The following MED22 variants were observed in gnomAD, a reference collection of about 807,000 sequenced individuals.
MED22 encodes the protein mediator of RNA polymerase II transcription subunit 22.
MED22 carries 22 observed loss-of-function variants against 22.7 expected under a neutral mutation model. The observed-to-expected ratio is 0.97, with a 90% CI of 0.69 to 1.38. The LOEUF (loss-of-function observed/expected upper bound fraction) is 1.38. Ranked by LOEUF, MED22 falls within the 40% of genes most tolerant of loss-of-function variation. The pLI, the probability that MED22 is intolerant of heterozygous loss-of-function variation, is 0.00. For missense variants in MED22, 247 were observed against 263.0 expected (o/e 0.94, Z 0.42); for synonymous variants, 134 against 119.4 (o/e 1.12, Z -0.80).
chr9:133,346,745 A>C (rs2129969989), intron 1 of MED22, 45 bp from the exon 2 acceptor site: 82 of 1,531,882 alleles, frequency 5.4e-5, no homozygotes, highest in Non-Finnish European at 7.0e-5. Context: ...AGTCTACCCC[A>C]GCCACCCTCT....
Position 133,345,207 on chromosome 9 carries a change from C to G in MED22, c.169G>C (p.Asp57His). The G allele has an allele frequency of 6.2e-7, 1 of 1,614,020 alleles. No individual in the cohort carries two copies. The highest frequency in any genetic ancestry group is 8.5e-7 in the Non-Finnish European group (1 of 1,180,018). The change falls in exon 3 of 5, where the codon GAC becomes CAC. Residue 57 changes from aspartate (D) to histidine (H), a missense_variant. Coordinates refer to ENST00000343730, the MANE Select transcript of MED22 (RefSeq NM_133640.5). ...QVSRATQGEQ[D>H]NYEMHVRAAN... is the part of the protein sequence containing the mutation. ...GCTCGCACATGCATCTCGTAATTGT[C>G]CTGTTCACCCTGAGTGGCCCGTGAC...
At position 133,339,766 on chromosome 9, in the gene MED22, G is replaced by GT. The variant is rs893059234; in HGVS notation, c.*1738dup. Reference sequence around the variant, plus strand: ...GCCACTGGTGACCTTAATAGGTGTAGTTTTGCTAGAGTCATGGAGACAAAA... The same window carrying GT: ...GCCACTGGTGACCTTAATAGGTGTAGTTTTTGCTAGAGTCATGGAGACAAAA... On this transcript the variant is annotated 3_prime_UTR_variant, in exon 5 of 5. Transcript: ENST00000343730. 5.1e-6 allele frequency: 1 copy of GT among 196,976 alleles called. No homozygotes were observed. The highest frequency in any genetic ancestry group is 5.6e-5 in the Admixed American group (1 of 17,858). The allele number at this position is 196,976 out of a possible 1,614,324, so 12.2% of individuals were successfully genotyped here.
At chr9:133,345,132 T>C in intron 3 of MED22, 40 bp downstream of exon 3, 1 of 1,602,186 alleles carries the variant, frequency 6.2e-7, no homozygotes, top group Non-Finnish European at 8.5e-7. Flanking sequence ...GGACTGATGC[T>C]CTTGGAGCCC....
rs2129943539 is a variant in MED22 at position 133,339,772 on chromosome 9, C to T, written c.*1733G>A. ...GGTGACCTTAATAGGTGTAGTTTTG[C>T]TAGAGTCATGGAGACAAAACCTGTC... On this transcript the variant is annotated 3_prime_UTR_variant, in exon 5 of 5. Transcript: ENST00000343730. 1.3e-4 allele frequency: 24 copies of T among 189,862 alleles called. No homozygotes were observed. The South Asian group carries it at 2.1e-3, about 16-fold the overall frequency. 11.8% of individuals were successfully genotyped at this position (189,862 alleles called of 1,614,324 possible).
rs2129960786 is a variant in MED22 at position 133,344,237 on chromosome 9, G to A, written c.301C>T (p.Arg101Cys). ...FPSVNEAIDQ[R>C]NQQLRTLQEE... ...TGCAGTGTGCGCAGCTGCTGGTTGC[G>A]CTGGTCAATGGCCTCGTTCACGGAG... The change falls in exon 4 of 5, where the codon CGC becomes TGC. Residue 101 changes from arginine to cysteine, a missense_variant. Transcript: ENST00000343730. 70 of 1,614,104 alleles carry A rather than the reference G, an allele frequency of 4.3e-5. No homozygotes were observed. Among genetic ancestry groups the A allele is most frequent in the South Asian group, 1.6e-4 (15 of 91,088 alleles).
At chr9:133,343,743 C>G in intron 4 of MED22, 1 of 1,298,988 alleles carries the variant, frequency 7.7e-7, no homozygotes, top group East Asian at 2.7e-5. Flanking sequence ...CCAGCCTTGG[C>G]TGAAATCTCT....
At chr9:133,345,351 A>G (rs918892008) in intron 2 of MED22, 99 bp from the exon 3 acceptor site, 67 of 1,167,974 alleles carry the variant, frequency 5.7e-5, no homozygotes, top group Non-Finnish European at 7.9e-5. Context: ...TCTACCCAGG[A>G]TGTCCACACT....
chr9:133,345,758 G>T (rs1269635504), intron 2 of MED22, among the ~76,000 whole-genome samples: 1 of 152,210 alleles, frequency 6.6e-6, no homozygotes, highest in South Asian at 2.1e-4. Context: ...CTGGTGTATA[G>T]GTGGCCAAGC....
At chr9:133,347,742 C>A (rs1024680426) in intron 1 of MED22, 180 bp downstream of exon 1, 2 of 161,544 alleles carry the variant, frequency 1.2e-5, no homozygotes, top group African/African-American at 4.8e-5. Context: ...GTCTGGCGCA[C>A]GACCGAGCGG....
In MED22 at chr9:133,344,242, T is replaced by C; in HGVS notation, c.296A>G (p.Asp99Gly). ...NDFPSVNEAI[D>G]QRNQQLRTLQ... ...TGTGCGCAGCTGCTGGTTGCGCTGG[T>C]CAATGGCCTCGTTCACGGAGGGGAA... The change falls in exon 4 of 5, where the codon GAC becomes GGC. Residue 99 changes from aspartate (D) to glycine (G), a missense_variant. Transcript: ENST00000343730. 1 of 1,614,162 alleles carries C rather than the reference T, an allele frequency of 6.2e-7. No homozygotes were observed. The highest frequency in any genetic ancestry group is 1.1e-5 in the South Asian group (1 of 91,076).
chr9:133,341,213 A>G lies in MED22; in HGVS notation c.*292T>C, dbSNP rs1289563052. ...TCCTGCCCCACTGCTGAGATCCCCA[A>G]CGGGCCAGACCTAGCTTGGAAACTT... On this transcript the variant is annotated 3_prime_UTR_variant, in exon 5 of 5. Coordinates refer to ENST00000343730, the MANE Select transcript of MED22 (RefSeq NM_133640.5). 1.3e-5 allele frequency: 4 copies of G among 312,794 alleles called. No homozygotes were observed. Among genetic ancestry groups the G allele is most frequent in the African/African-American group, 4.4e-5 (2 of 45,742 alleles). 19.4% of individuals were successfully genotyped at this position (312,794 alleles called of 1,614,324 possible).
Position 133,346,612 on chromosome 9 carries a change from G to T in MED22, c.51C>A (p.Ser17=). The change falls in exon 2 of 5, where the codon TCC becomes TCA. Residue 17 remains serine (S), a synonymous_variant. Coordinates refer to ENST00000343730, the MANE Select transcript of MED22 (RefSeq NM_133640.5). Reference sequence around the variant, plus strand: ...TGTCGTCCTTCAGCCGCTTGTTGTAGGACTGCAGCAGCGTCTCCTTGCTCT... The same window carrying T: ...TGTCGTCCTTCAGCCGCTTGTTGTATGACTGCAGCAGCGTCTCCTTGCTCT... ...LPQSKETLLQ[S]YNKRLKDDIK... The T allele has an allele frequency of 1.2e-6, 2 of 1,612,888 alleles. No homozygotes were observed. The highest frequency in any genetic ancestry group is 1.7e-5 in the Admixed American group (1 of 60,010).
Position 133,341,352 on chromosome 9 carries a change from C to T in MED22, c.*153G>A. 1.3e-6 allele frequency: 1 copy of T among 783,032 alleles called. No individual in the cohort carries two copies. Among genetic ancestry groups the T allele is most frequent in the Non-Finnish European group, 1.9e-6 (1 of 533,524 alleles). 48.5% of individuals were successfully genotyped at this position (783,032 alleles called of 1,614,324 possible). A position where few individuals can be genotyped will look rare whatever the true frequency, so the allele number is the denominator to read the frequency against. ...TTCCCTACTGTCCTGGCGGGACCCA[C>T]CCTGGGCTAACGGGCTTCCCAAGGA... On this transcript the variant is annotated 3_prime_UTR_variant, in exon 5 of 5. Coordinates refer to ENST00000343730, the MANE Select transcript of MED22 (RefSeq NM_133640.5).
chr9:133,341,555 C>T lies in MED22; in HGVS notation c.553G>A (p.Ala185Thr), dbSNP rs145653063. 1.7e-3 allele frequency: 2,611 copies of T among 1,555,466 alleles called. 25 individuals are homozygous for T. In the African/African-American group the frequency reaches 0.026, roughly 16 times the overall value. ...CCACCAGCATGGGAGTGGGCAGGGG[C>T]TGCCACCTGTAGGGGGCCAGCACTG... ...EPSAGPLQVAAPAHSHAGGPG... is the reference protein window; with the variant it reads ...EPSAGPLQVATPAHSHAGGPG... The change falls in exon 5 of 5, where the codon GCC becomes ACC. Residue 185 changes from alanine to threonine, a missense_variant. Ala to Thr is a moderately conservative substitution (Grantham distance 58). Transcript: ENST00000343730.
chr9:133,345,199 G>GT lies in MED22; in HGVS notation c.176dup (p.Tyr59Ter). ...SRATQGEQDN[Y>*]EMHVRAANIV... ...TGTTGGCGGCTCGCACATGCATCTC[G>GT]TAATTGTCCTGTTCACCCTGAGTGG... is the stretch of plus-strand genomic sequence containing the variant. Residue 59 changes from tyrosine to a stop codon, truncating the protein, a stop_gained and frameshift_variant, in exon 3 of 5, where the codon TAC (tyrosine) becomes TAAC (stop). Transcript: ENST00000343730. LOFTEE classifies it high-confidence loss of function. The GT allele has an allele frequency of 6.2e-7, 1 of 1,613,950 alleles. No homozygotes were observed. The highest frequency in any genetic ancestry group is 1.1e-5 in the South Asian group (1 of 91,070).
intron 3 of MED22, among the ~76,000 whole-genome samples, chr9:133,344,797 C>T (rs1836134537): frequency 6.6e-6 from 1 of 152,170 alleles, no homozygotes; most frequent in Admixed American, 6.5e-5. Context: ...CCGAAGGAAT[C>T]CAATGGCGCC....
In MED22 at chr9:133,344,180, G is replaced by C; in HGVS notation, c.358C>G (p.Arg120Gly). The change falls in exon 4 of 5, where the codon CGA becomes GGA. Residue 120 changes from arginine to glycine, a missense_variant. Physicochemically the swap from Arg to Gly is moderately radical, Grantham distance 125 (BLOSUM62 -2). Coordinates refer to ENST00000343730, the MANE Select transcript of MED22 (RefSeq NM_133640.5). ...TAGAGGTCAATGGAGATCTCGTCTC[G>C]CAGCGTGATGAGCTTCCGGTCGCAC... ...EECDRKLITL[R>G]DEISIDLYEL... 6.2e-7 allele frequency: 1 copy of C among 1,614,044 alleles called. No individual in the cohort carries two copies. The highest frequency in any genetic ancestry group is 8.5e-7 in the Non-Finnish European group (1 of 1,180,016).
rs2129948306 is a variant in MED22 at position 133,341,465 on chromosome 9, T to C, written c.*40A>G. The stretch of plus-strand genomic sequence containing the variant: ...CTGTGAGGGCATCCAAAGGGCTGCC[T>C]CAGGTTTTGTTCCTGAGAACGAAGC... On this transcript the variant is annotated 3_prime_UTR_variant, in exon 5 of 5. Coordinates refer to ENST00000343730, the MANE Select transcript of MED22 (RefSeq NM_133640.5). 2 of 1,456,328 alleles carry C rather than the reference T, an allele frequency of 1.4e-6. No individual in the cohort carries two copies. The highest frequency in any genetic ancestry group is 1.8e-6 in the Non-Finnish European group (2 of 1,111,126). 90.2% of individuals were successfully genotyped at this position (1,456,328 alleles called of 1,614,324 possible). A position where few individuals can be genotyped will look rare whatever the true frequency, so the allele number is the denominator to read the frequency against.
At chr9:133,343,558 T>A in intron 4 of MED22, 1 of 1,240,428 alleles carries the variant, frequency 8.1e-7, no homozygotes, top group East Asian at 3.1e-5. Context: ...TAAGGCTGAG[T>A]GGGTCACGAA....
Sources: gnomAD v4.1 joint callset for allele counts (sites outside exome capture counted in the v4.1 genomes callset) on GRCh38, gnomAD v4.1.1 for gene constraint, MANE v1.5 for transcripts, NCBI Gene and HGNC (gene_info 2026-07-23, HGNC 2026-07-21) for gene names.